The following ZNF585B variants were observed in gnomAD, a reference collection of about 807,000 sequenced individuals.
The protein encoded by ZNF585B is zinc finger protein 585B.
In ZNF585B, 7 loss-of-function variants were observed where a neutral mutation model predicts 14.0. The ratio of observed to expected loss-of-function variants is 0.50; its 90% CI spans 0.28 to 0.94. ZNF585B has a LOEUF of 0.94. Ranked by LOEUF, ZNF585B falls within the 40% of genes least tolerant of loss-of-function variation. The pLI is 0.09. For missense variants in ZNF585B, 750 were observed against 924.4 expected, an observed-to-expected ratio of 0.81 and a Z score of 2.45; for synonymous variants, 290 against 317.3, an observed-to-expected ratio of 0.91 and a Z score of 0.91.
At chr19:37,199,438 T>A in intron 2 of ZNF585B, 1 of 449,232 alleles carries the variant, frequency 2.2e-6, no homozygotes, top group South Asian at 1.6e-5. Context: ...GGTGGGGGGA[T>A]CGATTGAACC....
rs61435592 is a variant in ZNF585B, at chr19:37,198,744, GA to G, written c.72+8295del. On this transcript the variant is annotated intron_variant, in intron 2 of 4. Coordinates refer to ENST00000532828, the MANE Select transcript of ZNF585B (RefSeq NM_152279.4). ...AGAGTGAAACTCTGTCTCAGAAAAA[GA>G]AAAAAAAAAAAAAAAAGAAAGCTAT... Among the ~76,000 whole-genome samples the G allele has an allele frequency of 7.9e-3, 824 of 104,012 alleles. 10 individuals carry two copies. The highest frequency in any genetic ancestry group is 0.077 in the East Asian group (272 of 3,546). The allele number at this position is 104,012 out of a possible 152,430, so 68.2% of individuals were successfully genotyped here. A position where few individuals can be genotyped will look rare whatever the true frequency, so the allele number is the denominator to read the frequency against.
At position 37,183,895 on chromosome 19, in the gene ZNF585B, GA is replaced by G; in HGVS notation, c.*1331del. ...AACTTATGAAAGTCAGATCATTAAGGAAAGTAAAATGCTGGGCTTCAACTCA... is the reference window on the plus strand; with the variant it reads ...AACTTATGAAAGTCAGATCATTAAGGAAGTAAAATGCTGGGCTTCAACTCA... On this transcript the variant is annotated 3_prime_UTR_variant, in exon 5 of 5. Coordinates refer to ENST00000532828, the MANE Select transcript of ZNF585B (RefSeq NM_152279.4). 1 of 151,714 alleles carries G rather than the reference GA, an allele frequency of 6.6e-6. No homozygotes were observed. The highest frequency in any genetic ancestry group is 2.1e-4 in the South Asian group (1 of 4,806). 9.4% of individuals were successfully genotyped at this position (151,714 alleles called of 1,614,324 possible). A position where few individuals can be genotyped will look rare whatever the true frequency, so the allele number is the denominator to read the frequency against.
At chr19:37,205,105 A>G (rs145767405) in intron 2 of ZNF585B, among the ~76,000 whole-genome samples, 150 of 152,060 alleles carry the variant, frequency 9.9e-4, no homozygotes, top group African/African-American at 3.5e-3. Context: ...GAATCACTAC[A>G]TTGCCAGGGC....
chr19:37,192,422 A>T (rs1198922801), intron 2 of ZNF585B, among the ~76,000 whole-genome samples: 1 of 152,054 alleles, frequency 6.6e-6, no homozygotes, highest in African/African-American at 2.4e-5. Flanking sequence ...CAAAGACAAG[A>T]ACAAAAAGAT....
intron 2 of ZNF585B, among the ~76,000 whole-genome samples, chr19:37,200,663 A>G (rs1972522175): frequency 6.6e-6 from 1 of 152,050 alleles, no homozygotes. Flanking sequence ...AAAAACATCT[A>G]ATTAAAAAAT....
Position 37,204,759 on chromosome 19 carries a change from T to C in ZNF585B, c.72+2281A>G, listed in dbSNP as rs1461931867. ...CAGACTAATTGTTTTTCTTTTTTTT[T>C]TTTTTGAGACAGAGGCTCACTCTGT... On this transcript the variant is annotated intron_variant, in intron 2 of 4. Transcript: ENST00000532828. Among the ~76,000 whole-genome samples the C allele has an allele frequency of 1.4e-4, 21 of 151,414 alleles. 1 individual carries two copies. The highest frequency in any genetic ancestry group is 1.3e-3 in the Admixed American group (20 of 15,184).
intron 2 of ZNF585B, among the ~76,000 whole-genome samples, chr19:37,191,095 CCA>C (rs1972395354): frequency 6.6e-6 from 1 of 152,030 alleles, no homozygotes; most frequent in Non-Finnish European, 1.5e-5. Flanking sequence ...CTCTTAAGCA[CCA>C]CAAAATGCAA....
intron 2 of ZNF585B, among the ~76,000 whole-genome samples, chr19:37,203,287 T>C (rs9304880): frequency 0.35 from 53,036 of 151,782 alleles, 9,509 homozygotes; most frequent in African/African-American, 0.43. Flanking sequence ...CCCCTCTATC[T>C]ACAGTTTAGC....
chr19:37,189,039 G>T (rs561973629), intron 4 of ZNF585B, among the ~76,000 whole-genome samples: 5 of 151,938 alleles, frequency 3.3e-5, no homozygotes, highest in South Asian at 4.2e-4. Flanking sequence ...CCGGGTTCAA[G>T]TGACTCTTGT....
chr19:37,192,797 G>A (rs899932776), intron 2 of ZNF585B, among the ~76,000 whole-genome samples: 20 of 146,938 alleles, frequency 1.4e-4, no homozygotes. Flanking sequence ...GTGACAGAGT[G>A]AGACTCCATC....
Position 37,181,664 on chromosome 19 carries a change from G to C in ZNF585B, c.*3563C>G, listed in dbSNP as rs1167525878. 6.7e-6 allele frequency: 1 copy of C among 148,338 alleles called. No individual in the cohort carries two copies. The highest frequency in any genetic ancestry group is 2.5e-5 in the African/African-American group (1 of 40,098). The allele number at this position is 148,338 out of a possible 1,614,324, so 9.2% of individuals were successfully genotyped here. On this transcript the variant is annotated 3_prime_UTR_variant, in exon 5 of 5. Transcript: ENST00000532828. ...TAGGTGAATGGATAAATAAGTCATG[G>C]TACTTCCAGACAATAGCATATTATT...
rs188602898 is a variant in ZNF585B, at chr19:37,186,735, T to C, written c.802A>G (p.Arg268Gly). The C allele has an allele frequency of 3.1e-6, 5 of 1,614,212 alleles. No individual in the cohort carries two copies. In the Admixed American group the frequency reaches 8.3e-5, roughly 27 times the overall value. The change falls in exon 5 of 5, where the codon AGA becomes GGA. Residue 268 changes from arginine to glycine, a missense_variant. By Grantham distance (125) the Arg-to-Gly change is moderately radical. Transcript: ENST00000532828. ...CCGCATTCAATACAGATGTAGGATC[T>C]CTCGCCTGTATGGATTTTCTGATGA... The part of the protein sequence containing the change: ...KIHQKIHTGE[R>G]SYICIECGQA...
chr19:37,208,694 G>A (rs529551626), intron 1 of ZNF585B, among the ~76,000 whole-genome samples: 2 of 151,884 alleles, frequency 1.3e-5, no homozygotes, highest in Admixed American at 6.6e-5. Context: ...AAAGAAAAAC[G>A]CGTCAGAACA....
At chr19:37,206,017 T>A (rs1002786593) in intron 2 of ZNF585B, among the ~76,000 whole-genome samples, 1 of 151,784 alleles carries the variant, frequency 6.6e-6, no homozygotes, top group Non-Finnish European at 1.5e-5. Context: ...ATGGCAGAGG[T>A]TGCAGTGAGC....
chr19:37,195,829 C>T (rs1262066503), intron 2 of ZNF585B: 2 of 152,108 alleles, frequency 1.3e-5, no homozygotes, highest in African/African-American at 2.4e-5. Context: ...GAGTTCAAGA[C>T]CAGCCTTACC....
intron 2 of ZNF585B, among the ~76,000 whole-genome samples, chr19:37,197,406 G>A (rs539895907): frequency 1.2e-3 from 184 of 152,210 alleles, no homozygotes; most frequent in African/African-American, 4.2e-3. Flanking sequence ...TTGGTTCCAC[G>A]TCTTTGCTAT....
intron 2 of ZNF585B, among the ~76,000 whole-genome samples, chr19:37,204,293 G>A (rs1972563426): frequency 6.6e-6 from 1 of 152,194 alleles, no homozygotes; most frequent in Non-Finnish European, 1.5e-5. Context: ...GAGGACAAAA[G>A]CAGTCCTAAC....
At chr19:37,189,989 G>A (rs1262318248) in intron 3 of ZNF585B, 35 bp downstream of exon 3, 3 of 1,610,100 alleles carry the variant, frequency 1.9e-6, no homozygotes, top group Non-Finnish European at 1.7e-6. Flanking sequence ...CTCTCAGTGA[G>A]GCCTCCTTTC....
Position 37,185,587 on chromosome 19 carries a change from AC to A in ZNF585B, c.1949del (p.Ser650IlefsTer28). The A allele has an allele frequency of 6.2e-7, 1 of 1,613,786 alleles. No homozygotes were observed. The highest frequency in any genetic ancestry group is 8.5e-7 in the Non-Finnish European group (1 of 1,179,934). On this transcript the variant is annotated frameshift_variant, in exon 5 of 5. Transcript: ENST00000532828. LOFTEE classifies it low-confidence loss of function (END_TRUNC). ...CTCCGGTATGAGTTTTCTGGTGCTT[AC>A]TGAGATTTGACCTGCCACTAAAGGC... ...GKAFSGRSNL[S>X]KHQKTHTGEK...
Sources: allele counts gnomAD v4.1 joint callset (sites outside exome capture counted in the v4.1 genomes callset), GRCh38; gene constraint gnomAD v4.1.1; transcripts MANE v1.5; gene names NCBI Gene and HGNC (gene_info 2026-07-23, HGNC 2026-07-21).